Variants in CNTNAP2 observed in about 807,000 individuals in gnomAD.
The protein encoded by CNTNAP2 is contactin associated protein 2, also known as contactin-associated protein-like 2.
A neutral mutation model predicts 155.2 loss-of-function variants in CNTNAP2; 98 were observed. The observed-to-expected ratio is 0.63, with a 90% CI of 0.54 to 0.75. The LOEUF is 0.75. Among genes scored for constraint, CNTNAP2 ranks in the 30% least tolerant of loss-of-function variants. CNTNAP2 has a pLI of 0.00. For missense variants in CNTNAP2, 1,727 were observed against 1,688.1 expected, an observed-to-expected ratio of 1.02 and a Z score of -0.40; for synonymous variants, 651 against 631.2, an observed-to-expected ratio of 1.03 and a Z score of -0.47.
intron 12 of CNTNAP2, among the ~76,000 whole-genome samples, chr7:147,624,485 A>G (rs999897855): frequency 6.6e-6 from 1 of 152,196 alleles, no homozygotes; most frequent in Non-Finnish European, 1.5e-5. Context: ...AGACATACAA[A>G]TGGCAAACAG....
chr7:147,862,399 TATA>T (rs61243452), intron 13 of CNTNAP2, among the ~76,000 whole-genome samples: 90,267 of 151,686 alleles, frequency 0.6, 27,115 homozygotes, highest in Middle Eastern at 0.69. Context: ...ATAAATTTCC[TATA>T]ACATGCATCT....
chr7:148,211,120 A>T (rs545627608), intron 18 of CNTNAP2, among the ~76,000 whole-genome samples: 2 of 152,328 alleles, frequency 1.3e-5, no homozygotes, highest in African/African-American at 4.8e-5. Context: ...GTGACTAATT[A>T]AAAAGCAGTT....
At chr7:148,404,082 C>CA (rs1287750256) in intron 22 of CNTNAP2, among the ~76,000 whole-genome samples, 1 of 152,210 alleles carries the variant, frequency 6.6e-6, no homozygotes, top group Non-Finnish European at 1.5e-5. Context: ...ATCTGACTTT[C>CA]AAAATTCTAC....
chr7:147,045,790 C>G (rs567828227), intron 4 of CNTNAP2, among the ~76,000 whole-genome samples: 1 of 151,976 alleles, frequency 6.6e-6, no homozygotes, highest in African/African-American at 2.4e-5. Flanking sequence ...CCATGTTTAA[C>G]TTTTAGTAAA....
intron 8 of CNTNAP2, among the ~76,000 whole-genome samples, chr7:147,277,326 CT>C (rs1563143501): frequency 6.6e-6 from 1 of 151,786 alleles, no homozygotes; most frequent in Admixed American, 6.6e-5. Flanking sequence ...CATAATGAGC[CT>C]TTGATGAATG....
Position 147,346,929 on chromosome 7 carries a change from AGTC to A in CNTNAP2, c.1498+46640_1498+46642del, listed in dbSNP as rs536923485. On this transcript the variant is annotated intron_variant, in intron 9 of 23. Coordinates refer to ENST00000361727, the MANE Select transcript of CNTNAP2 (RefSeq NM_014141.6). ...CTTAGTCCTGTTTTTACTTGGTTGT[AGTC>A]ACTGTTATTCTCCTAAAAATCATGC... Among the ~76,000 whole-genome samples, 41 of 152,170 alleles carry A rather than the reference AGTC, an allele frequency of 2.7e-4. No homozygotes were observed. The East Asian group carries it at 8.0e-3, about 30-fold the overall frequency.
chr7:146,952,480 GT>G (rs1797338031), intron 3 of CNTNAP2, among the ~76,000 whole-genome samples: 1 of 152,148 alleles, frequency 6.6e-6, no homozygotes, highest in Non-Finnish European at 1.5e-5. Context: ...AAAAGAGGAA[GT>G]CAAATTGTCT....
intron 11 of CNTNAP2, among the ~76,000 whole-genome samples, 196 bp from the exon 12 acceptor site, chr7:147,561,942 T>C (rs1271660658): frequency 6.6e-6 from 1 of 152,244 alleles, no homozygotes; most frequent in Non-Finnish European, 1.5e-5. Context: ...AGGAGCTTGC[T>C]GTCTTTGGTA....
At chr7:146,628,521 T>A (rs916779908) in intron 1 of CNTNAP2, among the ~76,000 whole-genome samples, 129 of 152,230 alleles carry the variant, frequency 8.5e-4, no homozygotes, top group African/African-American at 3.0e-3. Context: ...TTATGTCAGG[T>A]AATGCATATG....
At chr7:147,524,399 C>A (rs975494704) in intron 11 of CNTNAP2, among the ~76,000 whole-genome samples, 5 of 152,124 alleles carry the variant, frequency 3.3e-5, no homozygotes, top group African/African-American at 1.2e-4. Context: ...TCAACAACAA[C>A]AACAAAAAAG....
At chr7:147,361,403 G>A (rs766956724) in intron 9 of CNTNAP2, among the ~76,000 whole-genome samples, 3 of 152,100 alleles carry the variant, frequency 2.0e-5, no homozygotes, top group Admixed American at 6.5e-5. Context: ...TCCATTATTC[G>A]ATCTGTCTAT....
At position 146,357,131 on chromosome 7, in the gene CNTNAP2, T is replaced by G. The variant is rs1047315774; in HGVS notation, c.97+240158T>G. On this transcript the variant is annotated intron_variant, in intron 1 of 23. Transcript: ENST00000361727. ...GCTCAGGTTGGGAGAGAAATGATAT[T>G]GAAGGGACAAAATAGCAAACATAAG... is the stretch of plus-strand genomic sequence containing the variant. Among the ~76,000 whole-genome samples the G allele has an allele frequency of 6.0e-5, 9 of 150,804 alleles. No individual in the cohort carries two copies. In the East Asian group the frequency reaches 1.8e-3, roughly 29 times the overall value.
chr7:147,245,809 T>C (rs183096790), intron 8 of CNTNAP2, among the ~76,000 whole-genome samples: 1 of 144,646 alleles, frequency 6.9e-6, no homozygotes, highest in African/African-American at 2.5e-5. Flanking sequence ...TAAAATCCAA[T>C]TCCTTTCAGC....
At chr7:147,938,512 A>C (rs1800657449) in intron 14 of CNTNAP2, among the ~76,000 whole-genome samples, 1 of 152,218 alleles carries the variant, frequency 6.6e-6, no homozygotes, top group African/African-American at 2.4e-5. Context: ...TCCTGAAACA[A>C]ACAAAAAATT....
At position 146,993,522 on chromosome 7, in the gene CNTNAP2, C is replaced by T. The variant is rs149444756; in HGVS notation, c.403-50385C>T. ...CTATTGGGAGACTGCCTTTTCCTGG[C>T]GCTGGCTGTGACCAGTTATTATTTT... On this transcript the variant is annotated intron_variant, in intron 3 of 23. Coordinates refer to ENST00000361727, the MANE Select transcript of CNTNAP2 (RefSeq NM_014141.6). Among the ~76,000 whole-genome samples the T allele has an allele frequency of 3.4e-3, 516 of 152,132 alleles. 5 individuals are homozygous for T. The highest frequency in any genetic ancestry group is 0.011 in the African/African-American group (472 of 41,506).
chr7:147,870,053 G>T (rs1472589481), intron 13 of CNTNAP2, among the ~76,000 whole-genome samples: 1 of 152,144 alleles, frequency 6.6e-6, no homozygotes, highest in Non-Finnish European at 1.5e-5. Context: ...CTAAGGCAAA[G>T]TCATATTAGA....
intron 10 of CNTNAP2, among the ~76,000 whole-genome samples, chr7:147,409,542 T>C (rs1797067165): frequency 6.6e-6 from 1 of 152,052 alleles, no homozygotes; most frequent in Non-Finnish European, 1.5e-5. Flanking sequence ...AAGCAAAATT[T>C]GACAAACATG....
chr7:147,204,506 A>G (rs966018414), intron 8 of CNTNAP2, among the ~76,000 whole-genome samples: 6 of 152,162 alleles, frequency 3.9e-5, no homozygotes, highest in Non-Finnish European at 7.4e-5. Context: ...GAGGAACACC[A>G]TGCTATATGA....
At chr7:146,495,555 T>A (rs1797202159) in intron 1 of CNTNAP2, among the ~76,000 whole-genome samples, 1 of 37,686 alleles carries the variant, frequency 2.7e-5, no homozygotes, top group African/African-American at 7.9e-5. Flanking sequence ...ACAGGTCATT[T>A]TTTTTTTTTT....
Sources: gnomAD v4.1 joint callset for allele counts (sites outside exome capture counted in the v4.1 genomes callset) on GRCh38, gnomAD v4.1.1 for gene constraint, MANE v1.5 for transcripts, NCBI Gene and HGNC (gene_info 2026-07-23, HGNC 2026-07-21) for gene names.